MIIP: variants seen among roughly 807,000 people sequenced by gnomAD.
The protein encoded by MIIP is migration and invasion-inhibitory protein.
MIIP carries 44 observed loss-of-function variants against 44.8 expected under a neutral mutation model. The observed-to-expected ratio is 0.98, with a 90% CI of 0.77 to 1.26. The LOEUF (loss-of-function observed/expected upper bound fraction) is 1.26, where lower values mean the gene tolerates loss of function less well. MIIP is among the 50% of genes most tolerant of loss of function. The pLI, the probability that MIIP is intolerant of heterozygous loss-of-function variation, is 0.00. For synonymous variants in MIIP, 225 were observed against 218.3 expected, an observed-to-expected ratio of 1.03 and a Z score of -0.27; for missense variants, 496 against 511.7, an observed-to-expected ratio of 0.97 and a Z score of 0.30.
rs41278640 is a variant in MIIP, at chr1:12,029,767, G to C, written c.718G>C (p.Val240Leu). The change falls in exon 7 of 10, where the codon GTG becomes CTG. Residue 240 changes from valine (V) to leucine (L), a missense_variant and splice_region_variant. By Grantham distance (32) the Val-to-Leu change is conservative. Transcript: ENST00000235332. ...GTGGCTTCTCATGGGCCTCGCAGGC[G>C]TGTACTGTTACCGTGTCAACCGGCG... ...GSGVEEDHEC[V>L]YCYRVNRRLF... 1 of 1,612,308 alleles carries C rather than the reference G, an allele frequency of 6.2e-7. No homozygotes were observed. The highest frequency in any genetic ancestry group is 8.5e-7 in the Non-Finnish European group (1 of 1,178,900).
chr1:12,024,475 G>A (rs372862144), intron 4 of MIIP, among the ~76,000 whole-genome samples: 18 of 152,256 alleles, frequency 1.2e-4, no homozygotes, highest in Non-Finnish European at 2.2e-4. Context: ...GTGCAATGGC[G>A]TGATCTCCGC....
At chr1:12,020,028 G>C (rs903372981) in intron 1 of MIIP, among the ~76,000 whole-genome samples, 2 of 152,244 alleles carry the variant, frequency 1.3e-5, no homozygotes, top group African/African-American at 4.8e-5. Flanking sequence ...CTGTGCTCCA[G>C]ACCTTGCACC....
Position 12,029,101 on chromosome 1 carries a change from C to A in MIIP, c.616C>A (p.Arg206=), listed in dbSNP as rs779477951. Residue 206 remains arginine, a synonymous_variant, in exon 5 of 10, where the codon CGG becomes AGG. Coordinates refer to ENST00000235332, the MANE Select transcript of MIIP (RefSeq NM_021933.4). ...EAFFSKLQEF[R]ETNKEECICS... is the part of the protein sequence containing the mutation. ...CTTCTTCTCCAAGCTGCAGGAGTTT[C>A]GGGAAACCAACAAGGAGGAGTGTAT... 6 of 1,613,954 alleles carry A rather than the reference C, an allele frequency of 3.7e-6. No homozygotes were observed. In the East Asian group the frequency reaches 6.7e-5, roughly 18 times the overall value.
At chr1:12,030,774 C>CAAA (rs139223223) in intron 8 of MIIP, among the ~76,000 whole-genome samples, 4 of 135,664 alleles carry the variant, frequency 2.9e-5, no homozygotes, top group South Asian at 2.4e-4. Flanking sequence ...GACTCCATCT[C>CAAA]AAAAAAAAAA....
Position 12,030,094 on chromosome 1 carries a change from T to G in MIIP, c.912T>G (p.Phe304Leu). 1 of 1,613,098 alleles carries G rather than the reference T, an allele frequency of 6.2e-7. No individual in the cohort carries two copies. Among genetic ancestry groups the G allele is most frequent in the South Asian group, 1.1e-5 (1 of 91,068 alleles). Reference sequence around the variant, plus strand: ...ACCACATCCACCGGCGAAAGAGCTTTGACGCCTCTGACACACTGGCCCTGC... The same window carrying G: ...ACCACATCCACCGGCGAAAGAGCTTGGACGCCTCTGACACACTGGCCCTGC... ...HRYHIHRRKS[F>L]DASDTLALPR... is the part of the protein sequence containing the mutation. Residue 304 changes from phenylalanine to leucine, a missense_variant, in exon 8 of 10, where the codon TTT (phenylalanine) becomes TTG (leucine). Transcript: ENST00000235332.
At chr1:12,031,457 T>C in intron 9 of MIIP, 54 bp downstream of exon 9, 1 of 1,587,930 alleles carries the variant, frequency 6.3e-7, no homozygotes, top group Non-Finnish European at 8.6e-7. Flanking sequence ...GACAGAGACC[T>C]CGCAGCAGGC....
At chr1:12,022,496 G>A in intron 3 of MIIP, 54 bp downstream of exon 3, 1 of 1,384,272 alleles carries the variant, frequency 7.2e-7, no homozygotes, top group East Asian at 2.5e-5. Flanking sequence ...TTGGGCCTCA[G>A]TTTCCCTATC....
intron 4 of MIIP, 133 bp from the exon 5 acceptor site, chr1:12,028,900 T>G: frequency 1.4e-6 from 1 of 695,582 alleles, no homozygotes; most frequent in Non-Finnish European, 2.5e-6. Context: ...TCCTGGCCTG[T>G]TTGAGGCACA....
chr1:12,021,370 G>A (rs1216817506), intron 1 of MIIP, among the ~76,000 whole-genome samples: 1 of 151,254 alleles, frequency 6.6e-6, no homozygotes, highest in African/African-American at 2.4e-5. Flanking sequence ...CTCCAGCCTG[G>A]GCGACAGAGC....
intron 6 of MIIP, 132 bp from the exon 7 acceptor site, chr1:12,029,630 TAGG>T: frequency 8.1e-7 from 1 of 1,239,314 alleles, no homozygotes; most frequent in Middle Eastern, 2.8e-4. Context: ...GGAAAGGGGT[TAGG>T]AGGAAATGGG....
Position 12,029,079 on chromosome 1 carries a change from C to A in MIIP, c.594C>A (p.Phe198Leu), listed in dbSNP as rs757061312. ...CCATCACCAGCCAGCCTGAGGCCTTCTTCTCCAAGCTGCAGGAGTTTCGGG... is the reference window on the plus strand; with the variant it reads ...CCATCACCAGCCAGCCTGAGGCCTTATTCTCCAAGCTGCAGGAGTTTCGGG... Reference protein sequence around the residue: ...SSSITSQPEAFFSKLQEFRET... With the variant: ...SSSITSQPEALFSKLQEFRET... Residue 198 changes from phenylalanine to leucine, a missense_variant, in exon 5 of 10, where the codon TTC becomes TTA. Transcript: ENST00000235332. 6.2e-7 allele frequency: 1 copy of A among 1,614,056 alleles called. No homozygotes were observed. Among genetic ancestry groups the A allele is most frequent in the Non-Finnish European group, 8.5e-7 (1 of 1,180,020 alleles).
chr1:12,028,787 T>C (rs1640158184), intron 4 of MIIP: 1 of 525,960 alleles, frequency 1.9e-6, no homozygotes, highest in Non-Finnish European at 3.5e-6. Flanking sequence ...CATCTAGCCC[T>C]GTCATAAGGG....
intron 4 of MIIP, among the ~76,000 whole-genome samples, chr1:12,025,801 A>G (rs919066597): frequency 1.2e-4 from 18 of 152,000 alleles, no homozygotes; most frequent in African/African-American, 4.1e-4. Context: ...CCTTGGTTCA[A>G]GCAATTCTTC....
chr1:12,029,985 G>T (rs774443697), intron 7 of MIIP, 43 bp from the exon 8 acceptor site: 16 of 1,609,564 alleles, frequency 9.9e-6, no homozygotes, highest in Middle Eastern at 1.7e-4. Flanking sequence ...GCCCCCAACC[G>T]CTGGGAGGCT....
At chr1:12,023,231 T>G (rs1640023323) in intron 4 of MIIP, among the ~76,000 whole-genome samples, 2 of 149,552 alleles carry the variant, frequency 1.3e-5, no homozygotes, top group South Asian at 2.1e-4. Context: ...GCCCGGCTAA[T>G]TTTTGTATTT....
At chr1:12,030,256 G>C (rs1640208166) in intron 8 of MIIP, 132 bp downstream of exon 8, 2 of 821,582 alleles carry the variant, frequency 2.4e-6, no homozygotes, top group Non-Finnish European at 4.0e-6. Context: ...AGCACAGCCT[G>C]GGCCTCTTCC....
At chr1:12,022,060 A>G in intron 2 of MIIP, 35 bp from the exon 3 acceptor site, 1 of 1,596,678 alleles carries the variant, frequency 6.3e-7, no homozygotes, top group Non-Finnish European at 8.5e-7. Context: ...AGGTTCTGGC[A>G]GCCACTCCCT....
chr1:12,023,057 CTCT>C, intron 4 of MIIP, 140 bp downstream of exon 4: 2 of 522,152 alleles, frequency 3.8e-6, no homozygotes, highest in Non-Finnish European at 3.3e-6. Context: ...GGGGAGCACC[CTCT>C]TTTTTTTTTT....
chr1:12,026,752 G>C (rs1640111633), intron 4 of MIIP, among the ~76,000 whole-genome samples: 1 of 152,164 alleles, frequency 6.6e-6, no homozygotes, highest in Non-Finnish European at 1.5e-5. Context: ...AAGCTTATTA[G>C]GTAGGCACCA....
Sources: gnomAD v4.1 joint callset for allele counts (sites outside exome capture counted in the v4.1 genomes callset) on GRCh38, gnomAD v4.1.1 for gene constraint, MANE v1.5 for transcripts, NCBI Gene and HGNC (gene_info 2026-07-23, HGNC 2026-07-21) for gene names.